The following SLC39A12 variants were observed in gnomAD, a reference collection of about 807,000 sequenced individuals.
SLC39A12 encodes the protein solute carrier family 39 member 12.
In SLC39A12, 63 loss-of-function variants were observed where a neutral mutation model predicts 71.1. The observed-to-expected ratio is 0.89, with a 90% CI of 0.72 to 1.09. The LOEUF is 1.09. Ranked by LOEUF, SLC39A12 falls within the 50% of genes least tolerant of loss-of-function variation. The probability of loss-of-function intolerance (pLI) is 0.00; values close to 1 mark genes in which losing one functional copy is unlikely to be tolerated. For synonymous variants in SLC39A12, 351 were observed against 301.3 expected, an observed-to-expected ratio of 1.16 and a Z score of -1.71; for missense variants, 892 against 812.6, an observed-to-expected ratio of 1.10 and a Z score of -1.19.
chr10:17,953,108 A>T, intron 1 of SLC39A12, 83 bp from the exon 2 acceptor site: 1 of 835,832 alleles, frequency 1.2e-6, no homozygotes, highest in Non-Finnish European at 1.8e-6. Flanking sequence ...ATTGCAAATC[A>T]GCTTAGCCAC....
rs1020293320 is a variant in SLC39A12 at position 18,034,452 on chromosome 10, A to G, written c.1948-8253A>G. On this transcript the variant is annotated intron_variant, in intron 12 of 12. Coordinates refer to ENST00000377369, the MANE Select transcript of SLC39A12 (RefSeq NM_001145195.2). ...TTGCTGGTTTAAAGTCTGTTTTATC[A>G]GAGACTAGGATTGCAACCCCTGCCT... Among the ~76,000 whole-genome samples, 21 of 152,132 alleles carry G rather than the reference A, an allele frequency of 1.4e-4. 1 individual carries two copies. The highest frequency in any genetic ancestry group is 4.1e-4 in the South Asian group (2 of 4,826).
chr10:17,994,079 A>G (rs1360468749), intron 9 of SLC39A12, among the ~76,000 whole-genome samples: 3 of 152,180 alleles, frequency 2.0e-5, no homozygotes, highest in Admixed American at 2.0e-4. Flanking sequence ...AATTTCCTTT[A>G]AAATACGATT....
At chr10:17,956,157 C>A (rs11011692) in intron 2 of SLC39A12, among the ~76,000 whole-genome samples, 1 of 152,214 alleles carries the variant, frequency 6.6e-6, no homozygotes, top group South Asian at 2.1e-4. Context: ...GAAAATCACA[C>A]GGACATGTGT....
In SLC39A12 at chr10:17,997,773, G is replaced by A. The variant is rs535601818; in HGVS notation, c.1600+2051G>A. ...ACCTCATCCGTGGAACTCAACTTGT[G>A]TTTCAAAGACAAGATGCAAAAATTC... On this transcript the variant is annotated intron_variant, in intron 10 of 12. Transcript: ENST00000377369. Among the ~76,000 whole-genome samples the A allele has an allele frequency of 2.2e-4, 34 of 152,184 alleles. No homozygotes were observed. In the South Asian group the frequency reaches 7.1e-3, roughly 32 times the overall value.
intron 2 of SLC39A12, among the ~76,000 whole-genome samples, chr10:17,955,719 T>G (rs529579964): frequency 2.6e-5 from 4 of 152,296 alleles, no homozygotes; most frequent in Non-Finnish European, 5.9e-5. Flanking sequence ...AAAAAGTGAA[T>G]TTTTTAAAAA....
At chr10:17,992,648 A>G (rs1158311852) in intron 8 of SLC39A12, among the ~76,000 whole-genome samples, 1 of 152,236 alleles carries the variant, frequency 6.6e-6, no homozygotes, top group African/African-American at 2.4e-5. Context: ...GTAATTCAGT[A>G]GTTAGAAATC....
intron 12 of SLC39A12, chr10:18,009,721 G>T (rs1419191404): frequency 6.6e-6 from 1 of 152,142 alleles, no homozygotes; most frequent in Non-Finnish European, 1.5e-5. Flanking sequence ...CCAGACCTTT[G>T]CCTGGAGGAC....
chr10:18,011,058 G>A (rs971728352), intron 12 of SLC39A12, among the ~76,000 whole-genome samples: 7 of 151,044 alleles, frequency 4.6e-5, no homozygotes, highest in Non-Finnish European at 8.8e-5. Flanking sequence ...AAGCCCAGGC[G>A]CCCCCTCCAG....
chr10:17,987,377 C>A, intron 6 of SLC39A12, 102 bp from the exon 7 acceptor site: 1 of 981,518 alleles, frequency 1.0e-6, no homozygotes, highest in Non-Finnish European at 1.6e-6. Context: ...CATATCCCTA[C>A]TGGCTGTTAC....
intron 12 of SLC39A12, among the ~76,000 whole-genome samples, chr10:18,020,124 A>G (rs2130874083): frequency 6.6e-6 from 1 of 152,150 alleles, no homozygotes; most frequent in East Asian, 1.9e-4. Context: ...AGGTGGTTTT[A>G]CAATCCTCAC....
At chr10:17,960,372 G>T (rs1834656702) in intron 2 of SLC39A12, among the ~76,000 whole-genome samples, 1 of 152,144 alleles carries the variant, frequency 6.6e-6, no homozygotes, top group African/African-American at 2.4e-5. Context: ...CCTGCTGTTT[G>T]TCAGTTGCCT....
At chr10:18,036,326 C>T (rs1173482827) in intron 12 of SLC39A12, among the ~76,000 whole-genome samples, 1 of 152,168 alleles carries the variant, frequency 6.6e-6, no homozygotes, top group African/African-American at 2.4e-5. Flanking sequence ...ACCCTCCGAG[C>T]CAGGTGTGGG....
chr10:18,036,723 T>A (rs763128394), intron 12 of SLC39A12, among the ~76,000 whole-genome samples: 18 of 144,538 alleles, frequency 1.2e-4, no homozygotes, highest in Non-Finnish European at 2.2e-4. Flanking sequence ...ATCATTGGCA[T>A]CTTGCAGTTA....
At chr10:18,036,282 G>A (rs1374030904) in intron 12 of SLC39A12, among the ~76,000 whole-genome samples, 3 of 152,190 alleles carry the variant, frequency 2.0e-5, no homozygotes, top group Non-Finnish European at 4.4e-5. Flanking sequence ...TCAGACTGCT[G>A]TGCCAGTAAT....
intron 7 of SLC39A12, among the ~76,000 whole-genome samples, chr10:17,988,162 G>T (rs2130820550): frequency 6.6e-6 from 1 of 152,268 alleles, no homozygotes; most frequent in South Asian, 2.1e-4. Flanking sequence ...ATAAAAATTA[G>T]CTGGGCATAG....
intron 12 of SLC39A12, among the ~76,000 whole-genome samples, chr10:18,042,334 C>T (rs1318170256): frequency 6.6e-6 from 1 of 151,904 alleles, no homozygotes; most frequent in Non-Finnish European, 1.5e-5. Flanking sequence ...CAAAAATTAG[C>T]TGGGTGCAAT....
chr10:18,002,960 T>A (rs1475298239), intron 11 of SLC39A12: 2 of 496,370 alleles, frequency 4.0e-6, no homozygotes, highest in South Asian at 6.3e-5. Flanking sequence ...GCCAAAGGAA[T>A]GGAACTCTTG....
intron 6 of SLC39A12, among the ~76,000 whole-genome samples, chr10:17,985,227 C>A (rs1000671245): frequency 2.0e-5 from 3 of 152,098 alleles, no homozygotes; most frequent in African/African-American, 7.2e-5. Context: ...CCTGTAGTCC[C>A]AGCTACGCAG....
chr10:18,038,339 C>G (rs1261133932), intron 12 of SLC39A12, among the ~76,000 whole-genome samples: 1 of 152,028 alleles, frequency 6.6e-6, no homozygotes, highest in Non-Finnish European at 1.5e-5. Flanking sequence ...TAAACTAAGG[C>G]TAGTGAGAAA....
Sources: allele counts gnomAD v4.1 joint callset (sites outside exome capture counted in the v4.1 genomes callset), GRCh38; gene constraint gnomAD v4.1.1; transcripts MANE v1.5; gene names NCBI Gene and HGNC (gene_info 2026-07-23, HGNC 2026-07-21).